Variants in AHCYL2 observed in about 807,000 individuals in gnomAD.
AHCYL2 encodes the protein S-adenosylhomocysteine hydrolase-like protein 2.
AHCYL2 carries 28 observed loss-of-function variants against 81.4 expected under a neutral mutation model. The ratio of observed to expected loss-of-function variants is 0.34; its 90% CI spans 0.25 to 0.47. The LOEUF (loss-of-function observed/expected upper bound fraction) is 0.47. Among genes scored for constraint, AHCYL2 ranks in the 20% least tolerant of loss-of-function variants. The pLI, the probability that AHCYL2 is intolerant of heterozygous loss-of-function variation, is 1.00. For missense variants in AHCYL2, 551 were observed against 785.1 expected (o/e 0.70, Z 3.56); for synonymous variants, 272 against 290.2 (o/e 0.94, Z 0.64).
chr7:129,266,170 T>C (rs1231526560), intron 1 of AHCYL2, among the ~76,000 whole-genome samples: 1 of 152,220 alleles, frequency 6.6e-6, no homozygotes, highest in Non-Finnish European at 1.5e-5. Context: ...TTTCAATACA[T>C]TCGCTATTTT....
intron 1 of AHCYL2, among the ~76,000 whole-genome samples, chr7:129,363,107 T>C (rs1793991903): frequency 6.6e-6 from 1 of 152,180 alleles, no homozygotes; most frequent in Non-Finnish European, 1.5e-5. Context: ...TCTTCTAAGC[T>C]ATTCAGATAC....
intron 12 of AHCYL2, among the ~76,000 whole-genome samples, chr7:129,414,113 A>ATC (rs1796726715): frequency 6.6e-6 from 1 of 152,176 alleles, no homozygotes; most frequent in Non-Finnish European, 1.5e-5. Context: ...AGGGAGAGAA[A>ATC]TCTATGGGCT....
Position 129,309,738 on chromosome 7 carries a change from C to T in AHCYL2, c.364-69900C>T, listed in dbSNP as rs1223142419. Among the ~76,000 whole-genome samples the T allele has an allele frequency of 2.6e-5, 4 of 152,104 alleles. No homozygotes were observed. In the South Asian group the frequency reaches 8.3e-4, roughly 31 times the overall value. ...GTGCTATAAAGTTATGGAATTGCTGCCTCTCTAAGCTCATGTCTCTAAATT... is the reference window on the plus strand; with the variant it reads ...GTGCTATAAAGTTATGGAATTGCTGTCTCTCTAAGCTCATGTCTCTAAATT... On this transcript the variant is annotated intron_variant, in intron 1 of 16. Transcript: ENST00000325006.
intron 4 of AHCYL2, 27 bp from the exon 5 acceptor site, chr7:129,397,195 T>A: frequency 1.9e-6 from 3 of 1,601,158 alleles, no homozygotes; most frequent in Non-Finnish European, 2.6e-6. Context: ...CCAGGCTTGC[T>A]CATACCCTGC....
At chr7:129,246,023 A>G (rs1184816513) in intron 1 of AHCYL2, among the ~76,000 whole-genome samples, 2 of 151,766 alleles carry the variant, frequency 1.3e-5, no homozygotes, top group African/African-American at 4.8e-5. Context: ...TCGTTTTTTG[A>G]TAATAGTCAT....
intron 1 of AHCYL2, among the ~76,000 whole-genome samples, chr7:129,288,775 A>C (rs565386295): frequency 6.6e-6 from 1 of 151,612 alleles, no homozygotes; most frequent in African/African-American, 2.4e-5. Flanking sequence ...TCTATTTATT[A>C]TTATTATTTT....
intron 12 of AHCYL2, among the ~76,000 whole-genome samples, chr7:129,422,129 C>T (rs1797145879): frequency 6.6e-6 from 1 of 152,174 alleles, no homozygotes. Flanking sequence ...AAAACATAAC[C>T]TTTTTTCTCA....
chr7:129,381,491 A>G (rs958300057), intron 2 of AHCYL2, among the ~76,000 whole-genome samples: 1 of 152,234 alleles, frequency 6.6e-6, no homozygotes, highest in African/African-American at 2.4e-5. Flanking sequence ...TATCATTTTT[A>G]TAAGTCAAAA....
At chr7:129,267,239 G>GTGTGTA (rs771918538) in intron 1 of AHCYL2, among the ~76,000 whole-genome samples, 2,130 of 149,344 alleles carry the variant, frequency 0.014, 47 homozygotes, top group South Asian at 0.086. Flanking sequence ...GGGTGTGTGT[G>GTGTGTA]TGTGTGTGTG....
Position 129,405,819 on chromosome 7 carries a change from G to GT in AHCYL2, c.1143-8dup, listed in dbSNP as rs753139386. The GT allele has an allele frequency of 1.0e-3, 1,582 of 1,554,170 alleles. No homozygotes were observed. Among genetic ancestry groups the GT allele is most frequent in the South Asian group, 2.5e-3 (208 of 84,136 alleles). ...CAAGAGAAGATTTTTCTGATTTAAT[G>GT]TTTTTTTTTCCCCTAGACTTAAAAG... On this transcript the variant is annotated splice_polypyrimidine_tract_variant and intron_variant, in intron 8 of 16. Transcript: ENST00000325006.
At chr7:129,355,204 A>G (rs902738489) in intron 1 of AHCYL2, among the ~76,000 whole-genome samples, 2 of 150,716 alleles carry the variant, frequency 1.3e-5, no homozygotes, top group Non-Finnish European at 1.5e-5. Flanking sequence ...TTAGTGCCAT[A>G]TATTTTTGAA....
intron 1 of AHCYL2, among the ~76,000 whole-genome samples, chr7:129,325,608 A>G (rs1289206916): frequency 3.9e-5 from 6 of 151,952 alleles, no homozygotes; most frequent in Admixed American, 6.6e-5. Context: ...TCTATTTTCT[A>G]TACCCCTTTT....
intron 4 of AHCYL2, among the ~76,000 whole-genome samples, chr7:129,390,894 T>C (rs1795438945): frequency 6.6e-6 from 1 of 152,116 alleles, no homozygotes. Flanking sequence ...CCCTTTTTAT[T>C]AAAAAACTTT....
intron 4 of AHCYL2, among the ~76,000 whole-genome samples, chr7:129,395,003 GT>G (rs571421365): frequency 1.2e-3 from 173 of 146,864 alleles, no homozygotes; most frequent in African/African-American, 3.3e-3. Flanking sequence ...CTGACAGTGG[GT>G]TTTTTTTTTT....
At chr7:129,356,592 G>A (rs117720337) in intron 1 of AHCYL2, among the ~76,000 whole-genome samples, 1 of 152,124 alleles carries the variant, frequency 6.6e-6, no homozygotes, top group African/African-American at 2.4e-5. Flanking sequence ...TCTTTGATGA[G>A]GGGCATTATT....
chr7:129,333,030 A>G (rs1339511122), intron 1 of AHCYL2, among the ~76,000 whole-genome samples: 3 of 152,136 alleles, frequency 2.0e-5, no homozygotes, highest in African/African-American at 7.2e-5. Flanking sequence ...GCATGTTGGA[A>G]ATGGTTACTA....
chr7:129,267,039 G>A (rs1034877793), intron 1 of AHCYL2, among the ~76,000 whole-genome samples: 14 of 151,796 alleles, frequency 9.2e-5, no homozygotes, highest in African/African-American at 3.1e-4. Flanking sequence ...ATAATACTAA[G>A]CAGCCATCAG....
intron 1 of AHCYL2, among the ~76,000 whole-genome samples, chr7:129,298,738 T>G (rs1443657462): frequency 1.3e-5 from 2 of 152,252 alleles, no homozygotes; most frequent in Non-Finnish European, 2.9e-5. Context: ...ATTTGTCTAT[T>G]TTATGTATTA....
Position 129,389,030 on chromosome 7 carries a change from G to GGA in AHCYL2, c.476-26_476-25insGA. 6 of 1,580,544 alleles carry GGA rather than the reference G, an allele frequency of 3.8e-6. 1 individual carries two copies. The Middle Eastern group carries it at 8.5e-4, about 225-fold the overall frequency. On this transcript the variant is annotated intron_variant, in intron 2 of 16. Coordinates refer to ENST00000325006, the MANE Select transcript of AHCYL2 (RefSeq NM_015328.4). Reference sequence around the variant, plus strand: ...TTAGAGGAAGCATTTTTTTTTTTCCGAGTGTTTTTTATTCTGTCATTCCAG... The same window carrying GGA: ...TTAGAGGAAGCATTTTTTTTTTTCCGGAAGTGTTTTTTATTCTGTCATTCCAG...
Sources: allele counts gnomAD v4.1 joint callset (sites outside exome capture counted in the v4.1 genomes callset), GRCh38; gene constraint gnomAD v4.1.1; transcripts MANE v1.5; gene names NCBI Gene and HGNC (gene_info 2026-07-23, HGNC 2026-07-21).